Variants in FAM168A observed in about 807,000 individuals in gnomAD.
The protein encoded by FAM168A is family with sequence similarity 168 member A, also known as protein FAM168A.
In FAM168A, 3 loss-of-function variants were observed where a neutral mutation model predicts 28.5. That is an observed-to-expected ratio of 0.11 (90% CI 0.05 to 0.27). The LOEUF (loss-of-function observed/expected upper bound fraction) is 0.27, where lower values mean the gene tolerates loss of function less well. Ranked by LOEUF, FAM168A falls within the 10% of genes least tolerant of loss-of-function variation. The probability of loss-of-function intolerance (pLI) is 1.00; values close to 1 mark genes in which losing one functional copy is unlikely to be tolerated. For missense variants in FAM168A, 222 were observed against 311.5 expected (o/e 0.71, Z 2.16); for synonymous variants, 122 against 124.2 (o/e 0.98, Z 0.12).
intron 1 of FAM168A, among the ~76,000 whole-genome samples, chr11:73,504,247 T>A (rs1855065409): frequency 6.6e-6 from 1 of 152,100 alleles, no homozygotes; most frequent in Non-Finnish European, 1.5e-5. Context: ...AGTTTTGCAA[T>A]CTACCGATCT....
chr11:73,459,665 C>T (rs1867607503), intron 2 of FAM168A, among the ~76,000 whole-genome samples: 1 of 152,122 alleles, frequency 6.6e-6, no homozygotes, highest in African/African-American at 2.4e-5. Flanking sequence ...GACAACTCTT[C>T]ATTGCTAAAT....
chr11:73,593,325 A>G (rs2134750454), intron 1 of FAM168A, among the ~76,000 whole-genome samples: 1 of 152,318 alleles, frequency 6.6e-6, no homozygotes, highest in South Asian at 2.1e-4. Flanking sequence ...TTTATGTTAA[A>G]TATACTTTTA....
intron 1 of FAM168A, among the ~76,000 whole-genome samples, chr11:73,597,446 C>A (rs775181687): frequency 6.6e-6 from 1 of 151,886 alleles, no homozygotes; most frequent in Non-Finnish European, 1.5e-5. Flanking sequence ...TACGCAGGGC[C>A]CTAACCAACC....
chr11:73,500,910 C>G (rs561157476), intron 1 of FAM168A, among the ~76,000 whole-genome samples: 50 of 151,642 alleles, frequency 3.3e-4, no homozygotes, highest in Non-Finnish European at 6.2e-4. Flanking sequence ...GGTAAGGAGT[C>G]AAGACCCATT....
intron 1 of FAM168A, among the ~76,000 whole-genome samples, chr11:73,481,924 G>A (rs1590807077): frequency 6.6e-6 from 1 of 152,142 alleles, no homozygotes; most frequent in African/African-American, 2.4e-5. Context: ...TTTGATGGAG[G>A]AAGTTCATCC....
chr11:73,427,882 C>G (rs1056171278), intron 3 of FAM168A, among the ~76,000 whole-genome samples: 1 of 152,150 alleles, frequency 6.6e-6, no homozygotes, highest in African/African-American at 2.4e-5. Context: ...CAGATGGGCC[C>G]CCCAATGTGA....
chr11:73,428,704 T>C (rs1866931899), intron 3 of FAM168A, among the ~76,000 whole-genome samples: 1 of 152,234 alleles, frequency 6.6e-6, no homozygotes, highest in South Asian at 2.1e-4. Flanking sequence ...TTTCTGTAGC[T>C]TTTATTGTTT....
chr11:73,525,219 A>G (rs1181792306), intron 1 of FAM168A, among the ~76,000 whole-genome samples: 2 of 152,128 alleles, frequency 1.3e-5, no homozygotes, highest in African/African-American at 2.4e-5. Context: ...CATATTTAAG[A>G]CTAAGAAACA....
intron 2 of FAM168A, among the ~76,000 whole-genome samples, chr11:73,463,258 C>T (rs764001854): frequency 5.3e-5 from 8 of 152,250 alleles, no homozygotes; most frequent in Non-Finnish European, 1.0e-4. Context: ...TGAGCCACCG[C>T]GCCCAGCCAA....
At chr11:73,420,113 G>A (rs1866766467) in intron 3 of FAM168A, 114 bp from the exon 4 acceptor site, 4 of 1,267,734 alleles carry the variant, frequency 3.2e-6, no homozygotes, top group Non-Finnish European at 4.4e-6. Context: ...CAAGGGGCCT[G>A]TTCAGACACA....
intron 2 of FAM168A, chr11:73,452,260 A>G (rs1590786925): frequency 6.6e-6 from 1 of 152,404 alleles, no homozygotes. Flanking sequence ...GTGTAATGTG[A>G]TAGAAGGTGT....
At chr11:73,569,752 G>GA (rs1473770379) in intron 1 of FAM168A, among the ~76,000 whole-genome samples, 1 of 151,932 alleles carries the variant, frequency 6.6e-6, no homozygotes, top group Non-Finnish European at 1.5e-5. Context: ...AACCCGGGGG[G>GA]ATCGGAGGTT....
At chr11:73,578,364 C>G (rs1268616906) in intron 1 of FAM168A, among the ~76,000 whole-genome samples, 1 of 152,132 alleles carries the variant, frequency 6.6e-6, no homozygotes, top group African/African-American at 2.4e-5. Flanking sequence ...TCACCATCTG[C>G]TTTGTGGTGA....
intron 1 of FAM168A, among the ~76,000 whole-genome samples, chr11:73,473,731 C>A (rs1186261531): frequency 6.6e-6 from 1 of 152,072 alleles, no homozygotes; most frequent in Non-Finnish European, 1.5e-5. Context: ...GTTCAAATGT[C>A]ACCTTATCAG....
At chr11:73,477,924 GATA>G (rs1296726576) in intron 1 of FAM168A, among the ~76,000 whole-genome samples, 1 of 14,936 alleles carries the variant, frequency 6.7e-5, no homozygotes, top group Admixed American at 7.3e-4. Flanking sequence ...CTGATATGTA[GATA>G]GATAGATAGA....
chr11:73,432,005 T>C (rs1457521386), intron 2 of FAM168A, among the ~76,000 whole-genome samples: 4 of 152,244 alleles, frequency 2.6e-5, no homozygotes, highest in African/African-American at 9.6e-5. Context: ...GTAATTATTT[T>C]ATGTAAGTGG....
intron 1 of FAM168A, among the ~76,000 whole-genome samples, chr11:73,524,114 A>G (rs960436387): frequency 3.3e-5 from 5 of 151,972 alleles, no homozygotes; most frequent in African/African-American, 1.2e-4. Context: ...TAATTCCTCC[A>G]CTTTCTTCTA....
rs56294455 is a variant in FAM168A, at chr11:73,445,419, C to CTTTTTTTTTT, written c.71-14659_71-14650dup. Among the ~76,000 whole-genome samples, 340 of 50,472 alleles carry CTTTTTTTTTT rather than the reference C, an allele frequency of 6.7e-3. 39 individuals are homozygous for CTTTTTTTTTT. The highest frequency in any genetic ancestry group is 0.01 in the Non-Finnish European group (282 of 27,330). The allele number at this position is 50,472 out of a possible 152,430, so 33.1% of individuals were successfully genotyped here. On this transcript the variant is annotated intron_variant, in intron 2 of 7. Transcript: ENST00000356467. ...CCAGTAGATATATGTAAAAATGTCTCTTTTTTTTTTTTTTTTTTTTTTTTT... is the reference window on the plus strand; with the variant it reads ...CCAGTAGATATATGTAAAAATGTCTCTTTTTTTTTTTTTTTTTTTTTTTTTTTTTTTTTTT...
intron 2 of FAM168A, among the ~76,000 whole-genome samples, chr11:73,463,767 T>C (rs748698608): frequency 1.4e-4 from 21 of 152,170 alleles, no homozygotes; most frequent in Non-Finnish European, 2.6e-4. Flanking sequence ...CAATGAAAGC[T>C]TGCTTCAAGA....
Sources: allele counts gnomAD v4.1 joint callset (sites outside exome capture counted in the v4.1 genomes callset), GRCh38; gene constraint gnomAD v4.1.1; transcripts MANE v1.5; gene names NCBI Gene and HGNC (gene_info 2026-07-23, HGNC 2026-07-21).